UNC80: variants seen among roughly 807,000 people sequenced by gnomAD.
UNC80 encodes protein unc-80 homolog.
UNC80 carries 164 observed loss-of-function variants against 384.6 expected under a neutral mutation model. The ratio of observed to expected loss-of-function variants is 0.43; its 90% CI spans 0.38 to 0.49. The LOEUF (loss-of-function observed/expected upper bound fraction) is 0.49. UNC80 is among the 20% of genes least tolerant of loss of function. UNC80 has a pLI of 0.00. For synonymous variants in UNC80, 1,486 were observed against 1,527.8 expected (o/e 0.97, Z 0.64); for missense variants, 3,330 against 4,143.0 (o/e 0.80, Z 5.39).
chr2:209,894,115 T>C (rs1190308212), intron 26 of UNC80, 48 bp from the exon 27 acceptor site: 2 of 979,828 alleles, frequency 2.0e-6, no homozygotes, highest in Non-Finnish European at 2.4e-6. Flanking sequence ...TAACACTGGC[T>C]GGGGAACACT....
At chr2:209,895,436 C>A (rs547577259) in intron 27 of UNC80, among the ~76,000 whole-genome samples, 1 of 152,284 alleles carries the variant, frequency 6.6e-6, no homozygotes, top group East Asian at 1.9e-4. Flanking sequence ...CACCCACCCT[C>A]GCCTTTGAAA....
chr2:209,816,708 T>C (rs533632299), intron 9 of UNC80, among the ~76,000 whole-genome samples: 1 of 152,310 alleles, frequency 6.6e-6, no homozygotes, highest in Admixed American at 6.5e-5. Context: ...GCCCACGGAA[T>C]ACATGGCCTT....
chr2:209,805,495 T>A (rs1166098153), intron 7 of UNC80, among the ~76,000 whole-genome samples: 1 of 152,228 alleles, frequency 6.6e-6, no homozygotes, highest in South Asian at 2.1e-4. Context: ...ACAGAGTCTC[T>A]CAAGCTGTTG....
intron 16 of UNC80, among the ~76,000 whole-genome samples, chr2:209,832,681 G>A (rs2081059202): frequency 6.6e-6 from 1 of 152,160 alleles, no homozygotes; most frequent in African/African-American, 2.4e-5. Context: ...TACCATCCAT[G>A]CATACAATTT....
intron 22 of UNC80, among the ~76,000 whole-genome samples, chr2:209,861,477 A>C (rs2083338091): frequency 6.6e-6 from 1 of 152,256 alleles, no homozygotes; most frequent in African/African-American, 2.4e-5. Flanking sequence ...TTTCACACAG[A>C]TGTTCATCAG....
At chr2:209,927,814 G>GTATATA (rs977317360) in intron 36 of UNC80, among the ~76,000 whole-genome samples, 7 of 152,196 alleles carry the variant, frequency 4.6e-5, no homozygotes, top group Admixed American at 3.9e-4. Flanking sequence ...CATGAGGGCT[G>GTATATA]TATAAAGGAC....
chr2:209,871,814 CTTTTT>C (rs551693169), intron 22 of UNC80, among the ~76,000 whole-genome samples: 1 of 129,486 alleles, frequency 7.7e-6, no homozygotes, highest in East Asian at 2.3e-4. Flanking sequence ...CTTCTTTTTT[CTTTTT>C]TTTTTTTCAA....
At chr2:209,906,161 A>G (rs2088181427) in intron 29 of UNC80, among the ~76,000 whole-genome samples, 1 of 152,198 alleles carries the variant, frequency 6.6e-6, no homozygotes, top group African/African-American at 2.4e-5. Context: ...TATGTACATC[A>G]AACAATGAGA....
chr2:209,822,084 T>A lies in UNC80; in HGVS notation c.2331+1405T>A, dbSNP rs533748117. On this transcript the variant is annotated intron_variant, in intron 13 of 64. Coordinates refer to ENST00000673920, the MANE Select transcript of UNC80 (RefSeq NM_001371986.1). ...ATGCATTTATCATCTGGTTTCTTCATTTTATTGTTTACTCTTTTCTTCCCA... is the reference window on the plus strand; with the variant it reads ...ATGCATTTATCATCTGGTTTCTTCAATTTATTGTTTACTCTTTTCTTCCCA... Among the ~76,000 whole-genome samples, 5 of 152,310 alleles carry A rather than the reference T, an allele frequency of 3.3e-5. No individual in the cohort carries two copies. The South Asian group carries it at 1.0e-3, about 32-fold the overall frequency.
chr2:209,954,950 T>A (rs1361055554), intron 48 of UNC80, among the ~76,000 whole-genome samples: 1 of 152,088 alleles, frequency 6.6e-6, no homozygotes, highest in Non-Finnish European at 1.5e-5. Context: ...TAAGCTGCCA[T>A]GTGGCAGGAA....
rs1382162217 is a variant in UNC80 at position 209,945,089 on chromosome 2, T to C, written c.7089T>C (p.Ala2363=). 6.4e-7 allele frequency: 1 copy of C among 1,551,656 alleles called. No homozygotes were observed. The highest frequency in any genetic ancestry group is 8.7e-7 in the Non-Finnish European group (1 of 1,146,922). The change falls in exon 46 of 65, where the codon GCT becomes GCC. Residue 2363 remains alanine (A), a synonymous_variant. Coordinates refer to ENST00000673920, the MANE Select transcript of UNC80 (RefSeq NM_001371986.1). ...ATGGGCCCAGCAAAGGTGTGTCAGC[T>C]CAGTGCCTGTTTGACTTGCTGCAGT... ...ANNGPSKGVS[A]QCLFDLLQSL...
At chr2:209,875,803 T>C (rs958523364) in intron 23 of UNC80, among the ~76,000 whole-genome samples, 1 of 152,184 alleles carries the variant, frequency 6.6e-6, no homozygotes, top group Non-Finnish European at 1.5e-5. Context: ...TTTGTCAAAG[T>C]CTACAAACTT....
chr2:209,934,726 T>G (rs1057197017), intron 39 of UNC80, among the ~76,000 whole-genome samples: 1 of 152,238 alleles, frequency 6.6e-6, no homozygotes, highest in Admixed American at 6.5e-5. Context: ...CTCAAAGCTT[T>G]CTTTCTTTGT....
At chr2:209,943,966 T>C (rs982095743) in intron 45 of UNC80, among the ~76,000 whole-genome samples, 1 of 152,188 alleles carries the variant, frequency 6.6e-6, no homozygotes, top group African/African-American at 2.4e-5. Context: ...CTGGTTATTG[T>C]AGACAATGGG....
intron 54 of UNC80, among the ~76,000 whole-genome samples, chr2:209,971,350 C>T (rs1170607298): frequency 4.6e-5 from 7 of 150,622 alleles, no homozygotes; most frequent in Non-Finnish European, 8.8e-5. Context: ...TATCACTAGA[C>T]TTTGAATATC....
At position 209,943,437 on chromosome 2, in the gene UNC80, C is replaced by T. The variant is rs1030090807; in HGVS notation, c.6973C>T (p.His2325Tyr). ...QLRQAIEFAC[H>Y]QFYILHRKPF... ...GCGTCAAGCCATCGAATTTGCCTGT[C>T]ACCAGTTCTATATTCTACACCGGAA... is the stretch of plus-strand genomic sequence containing the variant. The change falls in exon 45 of 65, where the codon CAC becomes TAC. Residue 2325 changes from histidine to tyrosine, a missense_variant. This residue lies in a region of UNC80 where 1,049 missense variants were observed against 1,488.6 expected (regional missense o/e 0.70). Transcript: ENST00000673920. The T allele has an allele frequency of 5.2e-6, 8 of 1,552,032 alleles. No individual in the cohort carries two copies. Among genetic ancestry groups the T allele is most frequent in the Non-Finnish European group, 7.0e-6 (8 of 1,147,070 alleles).
chr2:209,906,619 T>C (rs2088247824), intron 29 of UNC80, among the ~76,000 whole-genome samples: 1 of 152,150 alleles, frequency 6.6e-6, no homozygotes, highest in Non-Finnish European at 1.5e-5. Flanking sequence ...TAAACTAGAC[T>C]GTTTTGCATT....
At chr2:209,931,881 A>G (rs957944768) in intron 38 of UNC80, among the ~76,000 whole-genome samples, 1 of 152,188 alleles carries the variant, frequency 6.6e-6, no homozygotes, top group Admixed American at 6.5e-5. Flanking sequence ...CAAAACATAA[A>G]CAGTACATTT....
intron 33 of UNC80, 51 bp from the exon 34 acceptor site, chr2:209,921,449 G>C: frequency 6.7e-7 from 1 of 1,495,772 alleles, no homozygotes; most frequent in East Asian, 2.5e-5. Context: ...TTATGCCTGT[G>C]ACCTTGCAGA....
Sources: gnomAD v4.1 joint callset for allele counts (sites outside exome capture counted in the v4.1 genomes callset) on GRCh38, gnomAD v4.1.1 for gene constraint, gnomAD v4.1.1 regional missense constraint, MANE v1.5 for transcripts, NCBI Gene and HGNC (gene_info 2026-07-23, HGNC 2026-07-21) for gene names.